The following PHEX variants were observed in gnomAD, a reference collection of about 807,000 sequenced individuals.
PHEX encodes the protein phosphate regulating endopeptidase X-linked.
PHEX carries 16 observed loss-of-function variants against 68.0 expected under a neutral mutation model. That is an observed-to-expected ratio of 0.24 (90% CI 0.16 to 0.36). PHEX has a LOEUF of 0.36. PHEX is among the 10% of genes least tolerant of loss of function. PHEX has a pLI of 1.00. For missense variants in PHEX, 480 were observed against 575.5 expected, an observed-to-expected ratio of 0.83 and a Z score of 1.70; for synonymous variants, 208 against 205.1, an observed-to-expected ratio of 1.01 and a Z score of -0.12.
At chrX:22,221,506 C>T in intron 17 of PHEX, 107 bp from the exon 18 acceptor site, 1 of 659,335 alleles carries the variant, frequency 1.5e-6, no homozygotes, top group Non-Finnish European at 2.5e-6. Context: ...AAGAGTGTTC[C>T]CTGCTGTTAT....
intron 12 of PHEX, among the ~76,000 whole-genome samples, chrX:22,146,105 C>T (rs1275780107): frequency 8.9e-6 from 1 of 112,087 alleles, no homozygotes; most frequent in African/African-American, 3.2e-5. Context: ...ATCTTTGCCT[C>T]CTGGCACAAG....
chrX:22,055,174 CAAAAAAAAAAAAAAAAAAAAAA>C (rs111628195), intron 3 of PHEX, among the ~76,000 whole-genome samples: 13 of 66,104 alleles, frequency 2.0e-4, no homozygotes, highest in East Asian at 1.6e-3. Context: ...GACTCCAGCT[CAAAAAAAAAAAAAAAAAAAAAA>C]AAAAAAAAAA....
intron 13 of PHEX, chrX:22,171,908 T>C (rs1933546852): frequency 8.9e-6 from 1 of 111,842 alleles, no homozygotes; most frequent in South Asian, 3.8e-4. Flanking sequence ...ATATGATTCA[T>C]CAGGCACAAA....
At chrX:22,210,084 T>C (rs1015325752) in intron 15 of PHEX, among the ~76,000 whole-genome samples, 2 of 112,345 alleles carry the variant, frequency 1.8e-5, no homozygotes, top group South Asian at 7.4e-4. Flanking sequence ...ATACAACTTA[T>C]CCACTTTATG....
intron 2 of PHEX, among the ~76,000 whole-genome samples, chrX:22,038,969 G>C (rs185188351): frequency 4.5e-5 from 5 of 111,693 alleles, no homozygotes; most frequent in African/African-American, 1.6e-4. Flanking sequence ...ATTGTCAGTG[G>C]GAGTCCCTTT....
chrX:22,219,563 T>C (rs965411233), intron 17 of PHEX, among the ~76,000 whole-genome samples: 1 of 112,149 alleles, frequency 8.9e-6, no homozygotes, highest in African/African-American at 3.2e-5. Context: ...ATTTCGAAGA[T>C]TATGCAATGC....
At chrX:22,188,020 C>T (rs1297081386) in intron 14 of PHEX, among the ~76,000 whole-genome samples, 1 of 111,451 alleles carries the variant, frequency 9.0e-6, no homozygotes. Context: ...GTGCTTAGGA[C>T]ATAGTAAGTG....
chrX:22,041,241 A>ATC (rs778017024), intron 2 of PHEX, among the ~76,000 whole-genome samples: 4,879 of 50,739 alleles, frequency 0.096, 300 homozygotes, highest in East Asian at 0.16. Flanking sequence ...TTCTTAAGTG[A>ATC]TCTCTCTCTC....
chrX:22,237,884 A>AAAGT (rs776729705), intron 20 of PHEX, among the ~76,000 whole-genome samples: 9 of 112,767 alleles, frequency 8.0e-5, no homozygotes, highest in Non-Finnish European at 1.3e-4. Flanking sequence ...AGTCAGGATT[A>AAAGT]AAGTAAGTAA....
At chrX:22,237,818 T>C (rs1456904858) in intron 20 of PHEX, among the ~76,000 whole-genome samples, 1 of 112,441 alleles carries the variant, frequency 8.9e-6, no homozygotes, top group Non-Finnish European at 1.9e-5. Context: ...TCCATATTTA[T>C]GTGTCCTAGT....
chrX:22,246,984 G>C (rs1378751769), intron 21 of PHEX, among the ~76,000 whole-genome samples: 1 of 111,476 alleles, frequency 9.0e-6, no homozygotes, highest in African/African-American at 3.3e-5. Context: ...TAGATTTTGA[G>C]TGCAGCAGAA....
At chrX:22,124,843 T>A (rs1195911374) in intron 11 of PHEX, among the ~76,000 whole-genome samples, 1 of 111,745 alleles carries the variant, frequency 8.9e-6, no homozygotes, top group East Asian at 2.8e-4. Flanking sequence ...ACCAAATAAT[T>A]TGATTTTTTC....
intron 14 of PHEX, among the ~76,000 whole-genome samples, chrX:22,182,121 T>C (rs1933899985): frequency 9.0e-6 from 1 of 111,682 alleles, no homozygotes; most frequent in Non-Finnish European, 1.9e-5. Flanking sequence ...TGAATAATAG[T>C]GGTAAAAGTG....
chrX:22,229,227 C>T (rs547473154), intron 20 of PHEX, among the ~76,000 whole-genome samples: 87 of 111,910 alleles, frequency 7.8e-4, no homozygotes, highest in Middle Eastern at 9.2e-3. Context: ...TTTATAGTAG[C>T]ATGGTTTATA....
chrX:22,151,238 A>C (rs1233935466), intron 12 of PHEX, among the ~76,000 whole-genome samples: 1 of 112,021 alleles, frequency 8.9e-6, no homozygotes. Context: ...TACAGAACCA[A>C]GTTGTCAGAG....
chrX:22,217,994 G>A (rs1935145389), intron 16 of PHEX, among the ~76,000 whole-genome samples: 1 of 110,360 alleles, frequency 9.1e-6, no homozygotes, highest in Non-Finnish European at 1.9e-5. Flanking sequence ...GTATGGTGCT[G>A]GCCGGGGTCG....
At chrX:22,075,592 T>C (rs1302608241) in intron 3 of PHEX, among the ~76,000 whole-genome samples, 1 of 111,539 alleles carries the variant, frequency 9.0e-6, no homozygotes, top group Non-Finnish European at 1.9e-5. Context: ...CGTTCAAGGT[T>C]CTCTTTTTCG....
At chrX:22,152,031 C>T (rs142195795) in intron 12 of PHEX, among the ~76,000 whole-genome samples, 1,139 of 112,023 alleles carry the variant, frequency 0.01, 17 homozygotes, top group African/African-American at 0.035. Flanking sequence ...ACATGTTATT[C>T]AGTTTGATTT....
At chrX:22,194,891 G>A (rs1460472760) in intron 15 of PHEX, among the ~76,000 whole-genome samples, 9 of 112,379 alleles carry the variant, frequency 8.0e-5, no homozygotes. Flanking sequence ...CTCAGTAGCT[G>A]TCATAAAATT....
Sources: gnomAD v4.1 joint callset for allele counts (sites outside exome capture counted in the v4.1 genomes callset) on GRCh38, gnomAD v4.1.1 for gene constraint, MANE v1.5 for transcripts, NCBI Gene and HGNC (gene_info 2026-07-23, HGNC 2026-07-21) for gene names.